Variants in GRIA1 observed in about 807,000 individuals in gnomAD.
GRIA1 encodes the protein glutamate receptor 1.
GRIA1 carries 31 observed loss-of-function variants against 99.2 expected under a neutral mutation model. That is an observed-to-expected ratio of 0.31 (90% CI 0.23 to 0.42). The LOEUF (loss-of-function observed/expected upper bound fraction) is 0.42. Among genes scored for constraint, GRIA1 ranks in the 10% least tolerant of loss-of-function variants. The probability of loss-of-function intolerance (pLI) is 1.00; values close to 1 mark genes in which losing one functional copy is unlikely to be tolerated. For synonymous variants in GRIA1, 438 were observed against 432.4 expected (o/e 1.01, Z -0.16); for missense variants, 782 against 1,157.5 (o/e 0.68, Z 4.71).
rs891361843 is a variant in GRIA1 at position 153,812,638 on chromosome 5, C to T, written c.*1413C>T. The stretch of plus-strand genomic sequence containing the variant: ...TCCCCCAGCTAAGATAGCATGAGGA[C>T]GTTGTATTCCAATATACGTATGATT... On this transcript the variant is annotated 3_prime_UTR_variant, in exon 16 of 16. Transcript: ENST00000285900. The T allele has an allele frequency of 9.2e-5, 14 of 152,298 alleles. No homozygotes were observed. Among genetic ancestry groups the T allele is most frequent in the Non-Finnish European group, 1.5e-4 (10 of 68,032 alleles). 9.4% of individuals were successfully genotyped at this position (152,298 alleles called of 1,614,324 possible). A position where few individuals can be genotyped will look rare whatever the true frequency, so the allele number is the denominator to read the frequency against.
chr5:153,724,188 G>T (rs182724425), intron 11 of GRIA1, among the ~76,000 whole-genome samples: 3 of 152,122 alleles, frequency 2.0e-5, no homozygotes, highest in Non-Finnish European at 2.9e-5. Context: ...TGAGGGTCCT[G>T]TCTCTTAGAA....
rs150325836 is a variant in GRIA1, at chr5:153,568,724, A to G, written c.220+74659A>G. Among the ~76,000 whole-genome samples, 83 of 152,306 alleles carry G rather than the reference A, an allele frequency of 5.4e-4. No individual in the cohort carries two copies. In the East Asian group the frequency reaches 0.012, roughly 22 times the overall value. On this transcript the variant is annotated intron_variant, in intron 2 of 15. Coordinates refer to ENST00000285900, the MANE Select transcript of GRIA1 (RefSeq NM_000827.4). ...AATTTGTACCTAGCTTATTATAGCC[A>G]TATCAAAATTTATGCCTTCCTCCCT...
chr5:153,666,534 A>C (rs1755758902), intron 5 of GRIA1, among the ~76,000 whole-genome samples: 2 of 152,160 alleles, frequency 1.3e-5, no homozygotes, highest in African/African-American at 4.8e-5. Flanking sequence ...GATTGGCCTC[A>C]CTAGTGGTTG....
Position 153,770,214 on chromosome 5 carries a change from C to T in GRIA1, c.2069C>T (p.Ser690Leu). The stretch of plus-strand genomic sequence containing the variant: ...GAGAAGATGTGGACATACATGAAGT[C>T]AGCAGAGCCATCAGTTTTTGTGCGG... ...VFEKMWTYMK[S>L]AEPSVFVRTT... Residue 690 changes from serine (S) to leucine (L), a missense_variant, in exon 13 of 16, where the codon TCA becomes TTA. Physicochemically the swap from Ser to Leu is moderately radical, Grantham distance 145. Around this residue, in one of 5 missense-constraint regions of GRIA1, gnomAD observed 119 missense variants for 326.6 expected, o/e 0.36. Coordinates refer to ENST00000285900, the MANE Select transcript of GRIA1 (RefSeq NM_000827.4). 1 of 1,613,756 alleles carries T rather than the reference C, an allele frequency of 6.2e-7. No individual in the cohort carries two copies. Among genetic ancestry groups the T allele is most frequent in the Non-Finnish European group, 8.5e-7 (1 of 1,179,712 alleles).
At chr5:153,766,095 T>C (rs755511533) in intron 12 of GRIA1, among the ~76,000 whole-genome samples, 7 of 152,280 alleles carry the variant, frequency 4.6e-5, no homozygotes, top group Non-Finnish European at 8.8e-5. Flanking sequence ...GTATTCTGTA[T>C]GACAGACAGG....
At chr5:153,723,270 G>A (rs1760212903) in intron 11 of GRIA1, among the ~76,000 whole-genome samples, 1 of 152,192 alleles carries the variant, frequency 6.6e-6, no homozygotes, top group Non-Finnish European at 1.5e-5. Context: ...CAGCCAAGAT[G>A]GCTGAATAGG....
chr5:153,563,633 G>A (rs1039469193), intron 2 of GRIA1, among the ~76,000 whole-genome samples: 8 of 152,214 alleles, frequency 5.3e-5, no homozygotes, highest in African/African-American at 9.6e-5. Flanking sequence ...TCAAATATGT[G>A]TAATATTGGT....
Position 153,686,938 on chromosome 5 carries a change from C to T in GRIA1, c.1134+609C>T, listed in dbSNP as rs185660513. On this transcript the variant is annotated intron_variant, in intron 8 of 15. Coordinates refer to ENST00000285900, the MANE Select transcript of GRIA1 (RefSeq NM_000827.4). ...ACCCTTGATACTTCCTTCATCTCTC[C>T]ACTCCAGTCATTCTGTTTGTCTTTC... 3.3e-5 allele frequency among the ~76,000 whole-genome samples: 5 copies of T among 152,244 alleles called. No individual in the cohort carries two copies. The East Asian group carries it at 7.7e-4, about 24-fold the overall frequency.
intron 2 of GRIA1, among the ~76,000 whole-genome samples, chr5:153,616,138 C>T (rs1032621672): frequency 5.3e-5 from 8 of 152,134 alleles, no homozygotes; most frequent in African/African-American, 1.9e-4. Flanking sequence ...TTCAGTATCA[C>T]TTCTGCATAT....
intron 13 of GRIA1, among the ~76,000 whole-genome samples, chr5:153,789,318 C>CAT (rs70978507): frequency 0.24 from 34,967 of 147,352 alleles, 4,474 homozygotes; most frequent in Non-Finnish European, 0.29. Context: ...TTTGATATTA[C>CAT]ATATATATAT....
chr5:153,519,366 C>T (rs937156500), intron 2 of GRIA1, among the ~76,000 whole-genome samples: 7 of 151,930 alleles, frequency 4.6e-5, no homozygotes, highest in Non-Finnish European at 8.8e-5. Context: ...TAACAGGCCC[C>T]GCAGATGATT....
chr5:153,798,951 T>G (rs1280079364), intron 14 of GRIA1, among the ~76,000 whole-genome samples: 3 of 152,154 alleles, frequency 2.0e-5, no homozygotes, highest in Admixed American at 2.0e-4. Flanking sequence ...CTCGTCACCA[T>G]TCGTCACCAT....
intron 2 of GRIA1, among the ~76,000 whole-genome samples, chr5:153,523,688 C>A (rs1285410551): frequency 6.6e-6 from 1 of 152,066 alleles, no homozygotes; most frequent in Admixed American, 6.6e-5. Context: ...GTGATTATAC[C>A]TATTTCATAA....
At chr5:153,693,800 C>T (rs1294691563) in intron 8 of GRIA1, among the ~76,000 whole-genome samples, 1 of 152,238 alleles carries the variant, frequency 6.6e-6, no homozygotes, top group African/African-American at 2.4e-5. Flanking sequence ...AAAATTCCTG[C>T]ATATCCTCAG....
chr5:153,535,700 A>T (rs980358101), intron 2 of GRIA1, among the ~76,000 whole-genome samples: 1 of 152,244 alleles, frequency 6.6e-6, no homozygotes, highest in Non-Finnish European at 1.5e-5. Context: ...AGATGTACAT[A>T]TCCAAATCCA....
chr5:153,803,595 G>A (rs1157821534), intron 15 of GRIA1, among the ~76,000 whole-genome samples: 1 of 152,158 alleles, frequency 6.6e-6, no homozygotes, highest in Non-Finnish European at 1.5e-5. Context: ...AAATTCAGAA[G>A]GACAGGTGGG....
intron 2 of GRIA1, among the ~76,000 whole-genome samples, chr5:153,551,317 T>G (rs1652485676): frequency 6.6e-6 from 1 of 151,488 alleles, no homozygotes; most frequent in African/African-American, 2.4e-5. Context: ...AATGATATTA[T>G]TCATTGGAAT....
At chr5:153,522,935 G>T (rs1229331724) in intron 2 of GRIA1, among the ~76,000 whole-genome samples, 2 of 151,892 alleles carry the variant, frequency 1.3e-5, no homozygotes, top group African/African-American at 4.8e-5. Flanking sequence ...TGTTAGGTAT[G>T]AATTCTTATT....
chr5:153,699,250 G>T (rs1258799421), intron 10 of GRIA1, among the ~76,000 whole-genome samples, 177 bp downstream of exon 10: 1 of 152,132 alleles, frequency 6.6e-6, no homozygotes, highest in Non-Finnish European at 1.5e-5. Flanking sequence ...CTTTGTTCAG[G>T]TTACTGGTCC....
Sources: gnomAD v4.1 joint callset for allele counts (sites outside exome capture counted in the v4.1 genomes callset) on GRCh38, gnomAD v4.1.1 for gene constraint, gnomAD v4.1.1 regional missense constraint, MANE v1.5 for transcripts, NCBI Gene and HGNC (gene_info 2026-07-23, HGNC 2026-07-21) for gene names.